The following RBFOX1 variants were observed in gnomAD, a reference collection of about 807,000 sequenced individuals.
The protein encoded by RBFOX1 is RNA binding fox-1 homolog 1.
A neutral mutation model predicts 57.7 loss-of-function variants in RBFOX1; 8 were observed. That is an observed-to-expected ratio of 0.14 (90% CI 0.08 to 0.25). RBFOX1 has a LOEUF of 0.25. RBFOX1 is among the 10% of genes least tolerant of loss of function. The pLI, the probability that RBFOX1 is intolerant of heterozygous loss-of-function variation, is 1.00. For synonymous variants in RBFOX1, 326 were observed against 222.4 expected (o/e 1.47, Z -4.15); for missense variants, 611 against 548.5 (o/e 1.11, Z -1.14).
chr16:5,522,821 C>T (rs2044073344), intron 2 of RBFOX1, among the ~76,000 whole-genome samples: 1 of 152,226 alleles, frequency 6.6e-6, no homozygotes, highest in African/African-American at 2.4e-5. Flanking sequence ...GCTTATTTCA[C>T]TGAACATAAT....
chr16:7,199,277 A>G (rs17670599), intron 4 of RBFOX1, among the ~76,000 whole-genome samples: 27,171 of 152,180 alleles, frequency 0.18, 2,635 homozygotes, highest in East Asian at 0.37. Context: ...TAAATACACC[A>G]AAGTGCCCTT....
chr16:6,463,518 G>C (rs961641370), intron 2 of RBFOX1, among the ~76,000 whole-genome samples: 1 of 152,122 alleles, frequency 6.6e-6, no homozygotes, highest in African/African-American at 2.4e-5. Context: ...TAGATTTGAT[G>C]GGGGGTCGGG....
At position 6,096,390 on chromosome 16, in the gene RBFOX1, G is replaced by A. The variant is rs183981026; in HGVS notation, c.-127+76398G>A. Among the ~76,000 whole-genome samples, 8 of 152,272 alleles carry A rather than the reference G, an allele frequency of 5.3e-5. No individual in the cohort carries two copies. In the East Asian group the frequency reaches 9.6e-4, roughly 18 times the overall value. ...TGTGCACCCCACTATGTTTGCTCTC[G>A]ACATTTATTTTGGGGGGTTTTGTGT... On this transcript the variant is annotated intron_variant, in intron 1 of 15. Coordinates refer to ENST00000550418, the MANE Select transcript of RBFOX1 (RefSeq NM_018723.4).
chr16:6,740,708 T>G (rs980564300), intron 3 of RBFOX1, among the ~76,000 whole-genome samples: 5 of 152,166 alleles, frequency 3.3e-5, no homozygotes, highest in African/African-American at 4.8e-5. Context: ...CAAATGCTGA[T>G]GAAAAAGGCC....
intron 3 of RBFOX1, among the ~76,000 whole-genome samples, chr16:6,861,511 A>G (rs1362301962): frequency 1.4e-5 from 2 of 146,832 alleles, no homozygotes; most frequent in African/African-American, 4.9e-5. Flanking sequence ...AATTACAAGA[A>G]TAATTGCTTC....
chr16:6,941,595 A>G (rs942532331), intron 3 of RBFOX1, among the ~76,000 whole-genome samples: 28 of 151,752 alleles, frequency 1.8e-4, no homozygotes, highest in African/African-American at 5.1e-4. Context: ...TCCTCTACCT[A>G]CTAAATTATG....
chr16:5,904,285 C>G (rs572456426), intron 4 of RBFOX1, among the ~76,000 whole-genome samples: 3 of 152,020 alleles, frequency 2.0e-5, no homozygotes, highest in Non-Finnish European at 2.9e-5. Flanking sequence ...ATCTGCATGC[C>G]ACTTTACCTT....
intron 4 of RBFOX1, among the ~76,000 whole-genome samples, chr16:7,331,617 G>A (rs556746657): frequency 6.6e-6 from 1 of 152,202 alleles, no homozygotes; most frequent in East Asian, 1.9e-4. Context: ...TGCCGGTACT[G>A]CACACATCAT....
At chr16:6,083,034 C>T (rs1400643357) in intron 1 of RBFOX1, among the ~76,000 whole-genome samples, 6 of 152,004 alleles carry the variant, frequency 3.9e-5, no homozygotes, top group African/African-American at 1.2e-4. Flanking sequence ...TGGAGTCTTG[C>T]TCTGTCACCC....
At chr16:6,790,966 T>C (rs2082825651) in intron 3 of RBFOX1, among the ~76,000 whole-genome samples, 1 of 152,048 alleles carries the variant, frequency 6.6e-6, no homozygotes, top group Admixed American at 6.6e-5. Context: ...AGTGCATTGG[T>C]ATGATCTTGA....
chr16:5,584,300 C>G (rs2046763075), intron 2 of RBFOX1, among the ~76,000 whole-genome samples: 1 of 152,238 alleles, frequency 6.6e-6, no homozygotes, highest in South Asian at 2.1e-4. Flanking sequence ...CCCTGCTCTT[C>G]TTGTCCTTGG....
chr16:6,335,014 T>G (rs1448859616), intron 2 of RBFOX1, among the ~76,000 whole-genome samples: 1 of 152,252 alleles, frequency 6.6e-6, no homozygotes, highest in East Asian at 1.9e-4. Flanking sequence ...ACAGTTCAGT[T>G]GGGAATACCT....
At position 6,736,185 on chromosome 16, in the gene RBFOX1, T is replaced by C. The variant is rs554323778; in HGVS notation, c.-16+81535T>C. Among the ~76,000 whole-genome samples, 21 of 152,206 alleles carry C rather than the reference T, an allele frequency of 1.4e-4. No homozygotes were observed. The South Asian group carries it at 4.4e-3, about 32-fold the overall frequency. The stretch of plus-strand genomic sequence containing the variant: ...ATTTTATTTTATTAATTTTTTAAAT[T>C]TTATTTTTCCATAAGTTATTGGGGT... On this transcript the variant is annotated intron_variant, in intron 3 of 15. Transcript: ENST00000550418.
intron 1 of RBFOX1, among the ~76,000 whole-genome samples, chr16:6,312,587 A>G (rs1430422868): frequency 6.6e-6 from 1 of 152,052 alleles, no homozygotes; most frequent in Non-Finnish European, 1.5e-5. Flanking sequence ...GGGAAGGGAA[A>G]TGACTTTTGG....
At chr16:5,301,759 C>G (rs998467836) in intron 1 of RBFOX1, among the ~76,000 whole-genome samples, 5 of 152,070 alleles carry the variant, frequency 3.3e-5, no homozygotes, top group Non-Finnish European at 1.5e-5. Flanking sequence ...CCACGTATTA[C>G]AGCCACCCAG....
intron 14 of RBFOX1, among the ~76,000 whole-genome samples, chr16:7,697,399 A>G (rs193075433): frequency 2.6e-5 from 4 of 152,244 alleles, no homozygotes; most frequent in East Asian, 3.9e-4. Flanking sequence ...AGGAAAGCAA[A>G]CCCTTTATCC....
chr16:7,484,187 G>A (rs118160841), intron 4 of RBFOX1, among the ~76,000 whole-genome samples: 4 of 152,270 alleles, frequency 2.6e-5, no homozygotes, highest in Non-Finnish European at 5.9e-5. Context: ...TTTCATTGCT[G>A]AGTGGTACGT....
At chr16:5,932,760 G>C (rs943892645) in intron 4 of RBFOX1, among the ~76,000 whole-genome samples, 1 of 152,024 alleles carries the variant, frequency 6.6e-6, no homozygotes, top group African/African-American at 2.4e-5. Flanking sequence ...CTCTATAAAC[G>C]TGGGATGCTG....
At chr16:7,321,077 G>GTATACA (rs368597309) in intron 4 of RBFOX1, among the ~76,000 whole-genome samples, 14,647 of 142,512 alleles carry the variant, frequency 0.1, 814 homozygotes, top group Middle Eastern at 0.13. Flanking sequence ...CTATCTATAC[G>GTATACA]TATACATATA....
Sources: allele counts gnomAD v4.1 joint callset (sites outside exome capture counted in the v4.1 genomes callset), GRCh38; gene constraint gnomAD v4.1.1; transcripts MANE v1.5; gene names NCBI Gene and HGNC (gene_info 2026-07-23, HGNC 2026-07-21).